FAM120A: variants seen among roughly 807,000 people sequenced by gnomAD.
The protein encoded by FAM120A is constitutive coactivator of PPAR-gamma-like protein 1.
FAM120A carries 15 observed loss-of-function variants against 109.7 expected under a neutral mutation model. The observed-to-expected ratio is 0.14, with a 90% CI of 0.09 to 0.21. FAM120A has a LOEUF of 0.21. FAM120A is among the 10% of genes least tolerant of loss of function. The probability of loss-of-function intolerance (pLI) is 1.00; values close to 1 mark genes in which losing one functional copy is unlikely to be tolerated. For synonymous variants in FAM120A, 493 were observed against 572.8 expected (o/e 0.86, Z 1.99); for missense variants, 899 against 1,439.3 (o/e 0.62, Z 6.07).
In FAM120A at chr9:93,550,749, A is replaced by C. The variant is rs1588907512; in HGVS notation, c.2274+58A>C. On this transcript the variant is annotated intron_variant, in intron 12 of 17. Coordinates refer to ENST00000277165, the MANE Select transcript of FAM120A (RefSeq NM_014612.5). Reference sequence around the variant, plus strand: ...CAGTCTCACTTTGGATTTTGGTGTAATACTGCTAACTTTCAACAGGCAGAA... The same window carrying C: ...CAGTCTCACTTTGGATTTTGGTGTACTACTGCTAACTTTCAACAGGCAGAA... 8 of 1,330,598 alleles carry C rather than the reference A, an allele frequency of 6.0e-6. No homozygotes were observed. In the East Asian group the frequency reaches 1.9e-4, roughly 32 times the overall value. The allele number at this position is 1,330,598 out of a possible 1,614,324, so 82.4% of individuals were successfully genotyped here.
Position 93,558,722 on chromosome 9 carries a change from A to AT in FAM120A, c.2806+6dup, listed in dbSNP as rs1326768029. ...AGGACTAGCAAGTCCCAGGGCGGTAATTATACCCACCCCTTCCCAGAGCTT... is the reference window on the plus strand; with the variant it reads ...AGGACTAGCAAGTCCCAGGGCGGTAATTTATACCCACCCCTTCCCAGAGCTT... On this transcript the variant is annotated splice_donor_region_variant and intron_variant, in intron 15 of 17. Transcript: ENST00000277165. 1 of 1,613,294 alleles carries AT rather than the reference A, an allele frequency of 6.2e-7. No homozygotes were observed. The highest frequency in any genetic ancestry group is 8.5e-7 in the Non-Finnish European group (1 of 1,179,662).
intron 1 of FAM120A, among the ~76,000 whole-genome samples, chr9:93,465,799 G>C (rs979732668): frequency 3.3e-5 from 5 of 151,992 alleles, no homozygotes; most frequent in African/African-American, 7.3e-5. Flanking sequence ...TTTCTGTTCC[G>C]GGACCCTGGT....
chr9:93,455,637 A>G (rs1249828808), intron 1 of FAM120A, among the ~76,000 whole-genome samples: 1 of 152,132 alleles, frequency 6.6e-6, no homozygotes, highest in Non-Finnish European at 1.5e-5. Context: ...GCAGAGGGGC[A>G]TAATTTCCTG....
Position 93,530,317 on chromosome 9 carries a change from T to G in FAM120A, c.1734+737T>G, listed in dbSNP as rs867663230. On this transcript the variant is annotated intron_variant, in intron 9 of 17. Transcript: ENST00000277165. ...ATCTTAGCCCCACAATTTAACAAGT[T>G]ACCTCAGTTACTAGATTAATCCTGC... 83 of 152,370 alleles carry G rather than the reference T, an allele frequency of 5.4e-4. 1 individual carries two copies. The highest frequency in any genetic ancestry group is 1.9e-3 in the African/African-American group (79 of 41,464). The allele number at this position is 152,370 out of a possible 1,614,324, so 9.4% of individuals were successfully genotyped here.
rs929020321 is a variant in FAM120A, at chr9:93,529,493, C to G, written c.1647C>G (p.Pro549=). ...NHMDITTPPL[P]PVAPEVLRVA... ...TGGACATCACCACACCTCCCCTGCC[C>G]CCCGTCGCACCTGAGGTGCTGAGAG... Residue 549 remains proline, a synonymous_variant, in exon 9 of 18, where the codon CCC becomes CCG. Transcript: ENST00000277165. 3 of 1,614,210 alleles carry G rather than the reference C, an allele frequency of 1.9e-6. No homozygotes were observed. The highest frequency in any genetic ancestry group is 2.5e-6 in the Non-Finnish European group (3 of 1,180,028).
intron 11 of FAM120A, among the ~76,000 whole-genome samples, chr9:93,545,386 G>C (rs945871542): frequency 1.3e-5 from 2 of 152,218 alleles, no homozygotes; most frequent in Non-Finnish European, 2.9e-5. Flanking sequence ...TGTGTTCATA[G>C]GGTACGGTCT....
chr9:93,468,376 G>GT (rs1858149285), intron 1 of FAM120A, among the ~76,000 whole-genome samples: 2 of 152,228 alleles, frequency 1.3e-5, no homozygotes, highest in Admixed American at 1.3e-4. Flanking sequence ...GTGAAGATGC[G>GT]TAAGCTGTGC....
Position 93,452,876 on chromosome 9 carries a change from C to T in FAM120A, c.474+487C>T. 3 of 1,454,502 alleles carry T rather than the reference C, an allele frequency of 2.1e-6. No homozygotes were observed. Among genetic ancestry groups the T allele is most frequent in the South Asian group, 1.4e-5 (1 of 70,108 alleles). 90.1% of individuals were successfully genotyped at this position (1,454,502 alleles called of 1,614,324 possible). ...CCCTTGGGGGCTGCAAATATCAGTGCTGCTGCCGCCGCCCTTGCCAATGTT... is the reference window on the plus strand; with the variant it reads ...CCCTTGGGGGCTGCAAATATCAGTGTTGCTGCCGCCGCCCTTGCCAATGTT... On this transcript the variant is annotated intron_variant, in intron 1 of 17. Coordinates refer to ENST00000277165, the MANE Select transcript of FAM120A (RefSeq NM_014612.5). The surrounding 1 kb of genome is among the most constrained non-coding windows in gnomAD (Gnocchi z 7.0).
chr9:93,490,058 G>A (rs1472598451), intron 3 of FAM120A, among the ~76,000 whole-genome samples: 1 of 152,232 alleles, frequency 6.6e-6, no homozygotes, highest in African/African-American at 2.4e-5. Flanking sequence ...GTTTCTCGAA[G>A]TCAGGAAATT....
chr9:93,540,413 C>T (rs1186113854), intron 10 of FAM120A, among the ~76,000 whole-genome samples: 1 of 152,172 alleles, frequency 6.6e-6, no homozygotes, highest in African/African-American at 2.4e-5. Flanking sequence ...ATAACTGTTG[C>T]ATGTGGGCAA....
chr9:93,508,541 T>C (rs190637438), intron 5 of FAM120A, among the ~76,000 whole-genome samples: 2 of 152,312 alleles, frequency 1.3e-5, no homozygotes, highest in Admixed American at 1.3e-4. Context: ...TGGGCACTGC[T>C]ACCTCCAGCT....
intron 8 of FAM120A, among the ~76,000 whole-genome samples, chr9:93,528,651 A>G (rs1455364078): frequency 2.0e-5 from 3 of 152,192 alleles, no homozygotes; most frequent in Admixed American, 2.0e-4. Context: ...ACAGTGTATC[A>G]TGGACCTCTT....
chr9:93,490,875 G>A (rs180705356), intron 3 of FAM120A, among the ~76,000 whole-genome samples: 3 of 152,338 alleles, frequency 2.0e-5, no homozygotes, highest in African/African-American at 7.2e-5. Context: ...TCTGTCTGGA[G>A]TAGTCACCAG....
At chr9:93,518,854 C>T (rs1451826375) in intron 7 of FAM120A, among the ~76,000 whole-genome samples, 1 of 152,192 alleles carries the variant, frequency 6.6e-6, no homozygotes, top group African/African-American at 2.4e-5. Context: ...CCGTGGCCCA[C>T]GGGCCGCACG....
intron 1 of FAM120A, among the ~76,000 whole-genome samples, chr9:93,466,301 G>A (rs1447095974): frequency 6.6e-6 from 1 of 152,010 alleles, no homozygotes; most frequent in African/African-American, 2.4e-5. Context: ...ATATCATTAT[G>A]GGCTCCTGTC....
chr9:93,452,685 C>T lies in FAM120A; in HGVS notation c.474+296C>T. ...AATTCGGAGGCGACAGTGTCATCATCCCCAATATCCTTAGTTTTTCCCATC... is the reference window on the plus strand; with the variant it reads ...AATTCGGAGGCGACAGTGTCATCATTCCCAATATCCTTAGTTTTTCCCATC... On this transcript the variant is annotated intron_variant, in intron 1 of 17. Coordinates refer to ENST00000277165, the MANE Select transcript of FAM120A (RefSeq NM_014612.5). This position sits in a 1 kb window ranked among gnomAD's most constrained non-coding sequence, Gnocchi z 7.0. 6.3e-6 allele frequency: 10 copies of T among 1,598,742 alleles called. No individual in the cohort carries two copies. The highest frequency in any genetic ancestry group is 6.8e-6 in the Non-Finnish European group (8 of 1,179,916).
chr9:93,535,164 G>A (rs192673384), intron 10 of FAM120A, among the ~76,000 whole-genome samples: 25 of 152,294 alleles, frequency 1.6e-4, no homozygotes, highest in Admixed American at 5.9e-4. Flanking sequence ...ATGAAGACCC[G>A]GTTTGGTGCG....
chr9:93,525,540 TAAGC>T (rs1356407645), intron 7 of FAM120A, among the ~76,000 whole-genome samples: 12 of 152,248 alleles, frequency 7.9e-5, no homozygotes, highest in Non-Finnish European at 1.8e-4. Context: ...CTATGGAAGA[TAAGC>T]AAGAGTTGTG....
At chr9:93,479,245 C>T (rs1237027367) in intron 3 of FAM120A, among the ~76,000 whole-genome samples, 3 of 151,568 alleles carry the variant, frequency 2.0e-5, no homozygotes, top group African/African-American at 4.8e-5. Flanking sequence ...ACTACAGGCG[C>T]CCGCCACTAC....
Sources: gnomAD v4.1 joint callset for allele counts (sites outside exome capture counted in the v4.1 genomes callset) on GRCh38, gnomAD v4.1.1 for gene constraint, Gnocchi (gnomAD v3.1) non-coding constraint, MANE v1.5 for transcripts, NCBI Gene and HGNC (gene_info 2026-07-23, HGNC 2026-07-21) for gene names.